GTF2IRD1: variants seen among roughly 807,000 people sequenced by gnomAD.
GTF2IRD1 encodes GTF2I repeat domain containing 1, also known as general transcription factor II-I repeat domain-containing protein 1.
GTF2IRD1 carries 26 observed loss-of-function variants against 113.2 expected under a neutral mutation model. That is an observed-to-expected ratio of 0.23 (90% CI 0.17 to 0.32). The LOEUF (loss-of-function observed/expected upper bound fraction) is 0.32. GTF2IRD1 is among the 10% of genes least tolerant of loss of function. The probability of loss-of-function intolerance (pLI) is 1.00; values close to 1 mark genes in which losing one functional copy is unlikely to be tolerated. For missense variants in GTF2IRD1, 864 were observed against 1,280.8 expected (o/e 0.67, Z 4.97); for synonymous variants, 484 against 529.1 (o/e 0.91, Z 1.17).
chr7:74,493,006 C>T (rs1043473839), intron 1 of GTF2IRD1, among the ~76,000 whole-genome samples: 1 of 152,046 alleles, frequency 6.6e-6, no homozygotes, highest in Non-Finnish European at 1.5e-5. Context: ...CTCTTAGCCT[C>T]AAGTGGTCCT....
intron 1 of GTF2IRD1, among the ~76,000 whole-genome samples, chr7:74,491,686 C>T (rs1584510018): frequency 6.6e-6 from 1 of 152,154 alleles, no homozygotes; most frequent in Admixed American, 6.6e-5. Context: ...GCATAGTATT[C>T]CATGGTGTAT....
At chr7:74,585,944 G>C (rs1444457187) in intron 22 of GTF2IRD1, among the ~76,000 whole-genome samples, 1 of 152,100 alleles carries the variant, frequency 6.6e-6, no homozygotes, top group Non-Finnish European at 1.5e-5. Flanking sequence ...GAAACCCAGG[G>C]CTCATGGTAG....
At chr7:74,490,118 C>T (rs1265841638) in intron 1 of GTF2IRD1, among the ~76,000 whole-genome samples, 2 of 152,166 alleles carry the variant, frequency 1.3e-5, no homozygotes, top group Non-Finnish European at 2.9e-5. Flanking sequence ...AGGCACGCAC[C>T]ACCACACCTG....
At chr7:74,593,005 C>T (rs1231935128) in intron 24 of GTF2IRD1, among the ~76,000 whole-genome samples, 10 of 151,316 alleles carry the variant, frequency 6.6e-5, no homozygotes, top group African/African-American at 2.4e-4. Context: ...TCACAGGTGC[C>T]CGCCACCACA....
intron 22 of GTF2IRD1, among the ~76,000 whole-genome samples, chr7:74,574,293 A>C (rs1382876211): frequency 6.8e-6 from 1 of 147,106 alleles, no homozygotes; most frequent in African/African-American, 2.5e-5. Flanking sequence ...TGAGCCACTG[A>C]GCCCGGCCTC....
intron 22 of GTF2IRD1, among the ~76,000 whole-genome samples, chr7:74,585,749 G>A (rs1275874193): frequency 3.3e-5 from 5 of 151,948 alleles, no homozygotes; most frequent in East Asian, 1.9e-4. Flanking sequence ...AGGTGTGATG[G>A]TGGGTGCCTG....
chr7:74,503,788 A>T (rs1391008944), intron 1 of GTF2IRD1, among the ~76,000 whole-genome samples: 1 of 152,176 alleles, frequency 6.6e-6, no homozygotes, highest in Non-Finnish European at 1.5e-5. Flanking sequence ...TTCTCAGGGT[A>T]CATGTGCAGG....
At chr7:74,480,981 C>A (rs542800938) in intron 1 of GTF2IRD1, among the ~76,000 whole-genome samples, 1 of 152,260 alleles carries the variant, frequency 6.6e-6, no homozygotes, top group South Asian at 2.1e-4. Context: ...CTTCCCCCAG[C>A]CCCTCCAGGG....
In GTF2IRD1 at chr7:74,593,196, C is replaced by CA. The variant is rs199914293; in HGVS notation, c.2592-1809dup. Among the ~76,000 whole-genome samples the CA allele has an allele frequency of 2.4e-3, 355 of 148,082 alleles. 4 individuals carry two copies. The highest frequency in any genetic ancestry group is 8.3e-3 in the African/African-American group (334 of 40,396). ...AAATTACGATAATATTTGCGTGTGT[C>CA]AAAAAAAAACAAATTGTTCAAAATC... On this transcript the variant is annotated intron_variant, in intron 24 of 26. Coordinates refer to ENST00000424337, the MANE Select transcript of GTF2IRD1 (RefSeq NM_005685.4).
intron 15 of GTF2IRD1, among the ~76,000 whole-genome samples, 153 bp downstream of exon 15, chr7:74,544,955 G>A (rs1383229914): frequency 1.3e-5 from 2 of 152,156 alleles, no homozygotes; most frequent in Non-Finnish European, 2.9e-5. Flanking sequence ...CCTGTGGGCT[G>A]CCTGATATGG....
At chr7:74,599,349 T>C (rs1802609109) in intron 25 of GTF2IRD1, among the ~76,000 whole-genome samples, 2 of 152,184 alleles carry the variant, frequency 1.3e-5, no homozygotes, top group African/African-American at 4.8e-5. Context: ...CAGGACGTGC[T>C]GCTCAAAGTC....
chr7:74,542,922 C>T (rs180722472), intron 14 of GTF2IRD1, among the ~76,000 whole-genome samples: 2 of 152,342 alleles, frequency 1.3e-5, no homozygotes, highest in African/African-American at 4.8e-5. Context: ...CAAGGCTCAT[C>T]CACCTCCCCA....
intron 25 of GTF2IRD1, among the ~76,000 whole-genome samples, chr7:74,600,294 G>A (rs1332498378): frequency 5.3e-5 from 8 of 151,994 alleles, no homozygotes; most frequent in East Asian, 1.9e-4. Context: ...TGGCGCGCAC[G>A]TATAGTCCCA....
intron 25 of GTF2IRD1, among the ~76,000 whole-genome samples, chr7:74,597,477 C>A (rs1802493621): frequency 6.6e-6 from 1 of 151,632 alleles, no homozygotes; most frequent in South Asian, 2.1e-4. Flanking sequence ...TCCCGAGTAG[C>A]TGGGACTTCA....
In GTF2IRD1 at chr7:74,559,044, G is replaced by A; in HGVS notation, c.2291G>A (p.Arg764Lys). Residue 764 changes from arginine (R) to lysine (K), a missense_variant and splice_region_variant, in exon 21 of 27, where the codon AGG (arginine) becomes AAG (lysine). Physicochemically the swap from Arg to Lys is conservative, Grantham distance 26. Coordinates refer to ENST00000424337, the MANE Select transcript of GTF2IRD1 (RefSeq NM_005685.4). ...GACAAGATCAAGTTCACAGTCACCA[G>A]GTACTCAGTGGGAAGGGTGAGGGTG... is the stretch of plus-strand genomic sequence containing the variant. ...VADKIKFTVT[R>K]PFQGLIPKPD... 1.2e-6 allele frequency: 2 copies of A among 1,613,022 alleles called. No homozygotes were observed. The highest frequency in any genetic ancestry group is 4.5e-5 in the East Asian group (2 of 44,872).
At position 74,519,654 on chromosome 7, in the gene GTF2IRD1, T is replaced by C; in HGVS notation, c.851T>C (p.Leu284Pro). 6.2e-7 allele frequency: 1 copy of C among 1,609,246 alleles called. No individual in the cohort carries two copies. Among genetic ancestry groups the C allele is most frequent in the Non-Finnish European group, 8.5e-7 (1 of 1,178,192 alleles). Residue 284 changes from leucine (L) to proline (P), a missense_variant, in exon 6 of 27, where the codon CTG becomes CCG. Physicochemically the swap from Leu to Pro is moderately conservative, Grantham distance 98. Coordinates refer to ENST00000424337, the MANE Select transcript of GTF2IRD1 (RefSeq NM_005685.4). ...APSCPLAPSD[L>P]GLSRPMPEPK... is the part of the protein sequence containing the mutation. ...TCCTGCCCCCTTGCCCCCAGCGACC[T>C]GGGCCTGAGTCGGCCCATGCCAGAG...
At chr7:74,468,958 G>A (rs1051287870) in intron 1 of GTF2IRD1, among the ~76,000 whole-genome samples, 8 of 151,772 alleles carry the variant, frequency 5.3e-5, no homozygotes, top group African/African-American at 1.4e-4. Flanking sequence ...GATGGTGGGC[G>A]CCTGTAGTCC....
intron 19 of GTF2IRD1, among the ~76,000 whole-genome samples, chr7:74,556,069 G>T (rs1458547096): frequency 6.6e-6 from 1 of 152,022 alleles, no homozygotes; most frequent in Non-Finnish European, 1.5e-5. Flanking sequence ...GGCCAACATG[G>T]TGAAACCCCG....
At chr7:74,559,771 G>GC (rs1554358525) in intron 22 of GTF2IRD1, 116 bp downstream of exon 22, 1 of 789,604 alleles carries the variant, frequency 1.3e-6, no homozygotes. Context: ...CAGAAGCCAG[G>GC]CCCCTGCCTT....
Sources: allele counts gnomAD v4.1 joint callset (sites outside exome capture counted in the v4.1 genomes callset), GRCh38; gene constraint gnomAD v4.1.1; transcripts MANE v1.5; gene names NCBI Gene and HGNC (gene_info 2026-07-23, HGNC 2026-07-21).